STK3: variants seen among roughly 807,000 people sequenced by gnomAD.
STK3 encodes serine/threonine-protein kinase 3.
In STK3, 41 loss-of-function variants were observed where a neutral mutation model predicts 58.0. The ratio of observed to expected loss-of-function variants is 0.71; its 90% CI spans 0.55 to 0.92. STK3 has a LOEUF of 0.92. Ranked by LOEUF, STK3 falls within the 40% of genes least tolerant of loss-of-function variation. The pLI, the probability that STK3 is intolerant of heterozygous loss-of-function variation, is 0.00. For synonymous variants in STK3, 170 were observed against 191.0 expected (o/e 0.89, Z 0.91); for missense variants, 479 against 602.7 (o/e 0.79, Z 2.15).
chr8:98,749,930 C>T (rs1375906256), intron 3 of STK3, among the ~76,000 whole-genome samples: 1 of 151,924 alleles, frequency 6.6e-6, no homozygotes, highest in East Asian at 1.9e-4. Flanking sequence ...TTACGTCTTC[C>T]AGAGCAGAAT....
intron 3 of STK3, among the ~76,000 whole-genome samples, chr8:98,761,991 A>G (rs1008754951): frequency 4.6e-5 from 7 of 152,196 alleles, no homozygotes; most frequent in Non-Finnish European, 1.0e-4. Context: ...CTATTTCACC[A>G]TAAGAGTTAT....
chr8:98,604,592 G>A (rs574570810), intron 6 of STK3, among the ~76,000 whole-genome samples: 5 of 152,298 alleles, frequency 3.3e-5, no homozygotes, highest in Non-Finnish European at 2.9e-5. Context: ...CCCTACAGCA[G>A]ACTTCTGCCT....
intron 6 of STK3, among the ~76,000 whole-genome samples, chr8:98,637,712 C>A (rs1432380499): frequency 1.3e-5 from 2 of 152,050 alleles, no homozygotes; most frequent in Non-Finnish European, 2.9e-5. Flanking sequence ...GTATAATAAT[C>A]CTTTTTAACC....
intron 6 of STK3, among the ~76,000 whole-genome samples, chr8:98,667,909 G>A (rs1303440955): frequency 6.6e-6 from 1 of 151,910 alleles, no homozygotes; most frequent in Non-Finnish European, 1.5e-5. Context: ...CCATTAAATA[G>A]CACTTATTTT....
At chr8:98,766,114 T>C (rs1433236815) in intron 3 of STK3, among the ~76,000 whole-genome samples, 1 of 152,210 alleles carries the variant, frequency 6.6e-6, no homozygotes, top group African/African-American at 2.4e-5. Flanking sequence ...CCAGATTTCC[T>C]GGCTCCACTG....
At chr8:98,641,082 GT>G (rs1456188738) in intron 6 of STK3, among the ~76,000 whole-genome samples, 1 of 151,824 alleles carries the variant, frequency 6.6e-6, no homozygotes, top group African/African-American at 2.4e-5. Context: ...TAACTTTGTA[GT>G]TTATAATTTA....
intron 4 of STK3, among the ~76,000 whole-genome samples, chr8:98,710,364 C>A (rs892750072): frequency 6.6e-6 from 1 of 152,182 alleles, no homozygotes; most frequent in Non-Finnish European, 1.5e-5. Context: ...CTGGGAAGTG[C>A]AAGGGGTCAG....
At chr8:98,509,193 T>C (rs1824317289) in intron 10 of STK3, among the ~76,000 whole-genome samples, 1 of 152,092 alleles carries the variant, frequency 6.6e-6, no homozygotes, top group Admixed American at 6.6e-5. Flanking sequence ...AAAATATATT[T>C]AGACAGAATT....
intron 1 of STK3, among the ~76,000 whole-genome samples, chr8:98,385,954 G>C (rs1156754421): frequency 6.6e-6 from 1 of 152,134 alleles, no homozygotes; most frequent in Non-Finnish European, 1.5e-5. Flanking sequence ...GTTGCAATGA[G>C]CCAAGAGATG....
At chr8:98,411,151 G>T (rs781470940) in intron 3 of STK3, among the ~76,000 whole-genome samples, 74 of 152,162 alleles carry the variant, frequency 4.9e-4, no homozygotes, top group Non-Finnish European at 7.9e-4. Context: ...ATAGTCAAAA[G>T]AAATAAACAT....
intron 10 of STK3, among the ~76,000 whole-genome samples, chr8:98,511,303 T>C (rs1332180535): frequency 6.6e-6 from 1 of 151,960 alleles, no homozygotes; most frequent in Non-Finnish European, 1.5e-5. Context: ...AATATAACAA[T>C]GTAAGATACT....
chr8:98,625,235 A>T lies in STK3; in HGVS notation c.685-29066T>A, dbSNP rs542700316. Among the ~76,000 whole-genome samples the T allele has an allele frequency of 2.0e-5, 3 of 152,274 alleles. No homozygotes were observed. The South Asian group carries it at 6.2e-4, about 32-fold the overall frequency. Reference sequence around the variant, plus strand: ...ACTGCTATTTGAGGATTACTGACAAATTACCTCTGGTTTCTCCTTTATTCC... The same window carrying T: ...ACTGCTATTTGAGGATTACTGACAATTTACCTCTGGTTTCTCCTTTATTCC... On this transcript the variant is annotated intron_variant, in intron 6 of 10. Coordinates refer to ENST00000419617, the MANE Select transcript of STK3 (RefSeq NM_006281.4).
chr8:98,819,669 G>C (rs972153366), intron 1 of STK3, among the ~76,000 whole-genome samples: 9 of 152,046 alleles, frequency 5.9e-5, no homozygotes, highest in African/African-American at 2.2e-4. Context: ...ATTTTCCCTA[G>C]GGCCTTCCTC....
chr8:98,415,329 A>C (rs1818103213), intron 3 of STK3, among the ~76,000 whole-genome samples: 1 of 152,256 alleles, frequency 6.6e-6, no homozygotes, highest in South Asian at 2.1e-4. Context: ...CAACTAAGAC[A>C]GACTCTATGT....
chr8:98,718,030 A>G (rs1277258195), intron 4 of STK3, among the ~76,000 whole-genome samples: 2 of 152,206 alleles, frequency 1.3e-5, no homozygotes, highest in African/African-American at 4.8e-5. Context: ...ACAGTAGAAC[A>G]GTGGTTGCCA....
In STK3 at chr8:98,738,250, A is replaced by C. The variant is rs553572631; in HGVS notation, c.351+11026T>G. Among the ~76,000 whole-genome samples, 239 of 152,196 alleles carry C rather than the reference A, an allele frequency of 1.6e-3. 1 individual carries two copies. The highest frequency in any genetic ancestry group is 5.0e-3 in the South Asian group (24 of 4,826). ...CTCAACACTTTAGATGACCGGGTGG[A>C]TCACCCCACGTCAGGAGTTCCAGAC... On this transcript the variant is annotated intron_variant, in intron 4 of 10. Transcript: ENST00000419617.
At chr8:98,488,303 T>C (rs192532335) in intron 10 of STK3, among the ~76,000 whole-genome samples, 136 of 152,306 alleles carry the variant, frequency 8.9e-4, no homozygotes, top group Non-Finnish European at 1.5e-3. Flanking sequence ...ATAATTTTCA[T>C]AAAATAAGGC....
chr8:98,450,969 G>A (rs528285952), downstream of STK3, among the ~76,000 whole-genome samples: 33 of 152,208 alleles, frequency 2.2e-4, no homozygotes, highest in Non-Finnish European at 4.4e-4. Flanking sequence ...GGCCACTACT[G>A]GCATTAACTA....
the STK3 span, among the ~76,000 whole-genome samples, chr8:98,352,053 T>A: frequency 1.4e-5 from 2 of 147,706 alleles, no homozygotes; most frequent in South Asian, 4.3e-4. Context: ...AGGAGAATGG[T>A]GTGAATCCGG....
Sources: allele counts gnomAD v4.1 joint callset (sites outside exome capture counted in the v4.1 genomes callset), GRCh38; gene constraint gnomAD v4.1.1; transcripts MANE v1.5; gene names NCBI Gene and HGNC (gene_info 2026-07-23, HGNC 2026-07-21).